NOTCH2: variants seen among roughly 807,000 people sequenced by gnomAD.
NOTCH2 encodes the protein neurogenic locus notch homolog protein 2.
NOTCH2 carries 29 observed loss-of-function variants against 235.8 expected under a neutral mutation model. The observed-to-expected ratio is 0.12, with a 90% CI of 0.09 to 0.17. The LOEUF (loss-of-function observed/expected upper bound fraction) is 0.17, where lower values mean the gene tolerates loss of function less well. Among genes scored for constraint, NOTCH2 ranks in the 10% least tolerant of loss-of-function variants. The pLI is 1.00. For missense variants in NOTCH2, 2,285 were observed against 3,150.2 expected (o/e 0.73, Z 6.57); for synonymous variants, 1,086 against 1,141.5 (o/e 0.95, Z 0.98).
chr1:119,923,848 C>T lies in NOTCH2; in HGVS notation c.4648G>A (p.Val1550Met). 1.9e-6 allele frequency: 3 copies of T among 1,614,200 alleles called. No individual in the cohort carries two copies. The highest frequency in any genetic ancestry group is 4.5e-5 in the East Asian group (2 of 44,884). The change falls in exon 26 of 34, where the codon GTG becomes ATG. Residue 1550 changes from valine to methionine, a missense_variant. Val to Met is a conservative substitution (Grantham distance 21). This residue lies in a region of NOTCH2 where 1,173 missense variants were observed against 1,515.3 expected (regional missense o/e 0.77). Coordinates refer to ENST00000256646, the MANE Select transcript of NOTCH2 (RefSeq NM_024408.4). ...AGTTGTTCAGGTGGCATCAATACCA[C>T]AATAACCAGGGTACCTTCTGCCAGG... ...ENLAEGTLVI[V>M]VLMPPEQLLQ...
At chr1:119,978,273 T>A (rs1553201202) in intron 5 of NOTCH2, among the ~76,000 whole-genome samples, 1 of 152,118 alleles carries the variant, frequency 6.6e-6, no homozygotes, top group East Asian at 1.9e-4. Flanking sequence ...GGTTGAATTA[T>A]AAGAAATGCA....
chr1:119,957,878 AC>A (rs1557821654), intron 12 of NOTCH2, among the ~76,000 whole-genome samples: 17 of 148,744 alleles, frequency 1.1e-4, no homozygotes, highest in African/African-American at 4.0e-4. Flanking sequence ...ACACACACAC[AC>A]ACACAACAGG....
rs782803889 is a variant in NOTCH2 at position 119,948,910 on chromosome 1, A to C, written c.2599+97T>G. The C allele has an allele frequency of 2.7e-6, 4 of 1,486,562 alleles. No homozygotes were observed. The African/African-American group carries it at 4.1e-5, about 15-fold the overall frequency. 92.1% of individuals were successfully genotyped at this position (1,486,562 alleles called of 1,614,324 possible). ...GCTCTTGACAAGATGGACAGGCCTCATAAGACCAGCAGGGCCTTCCATATG... is the reference window on the plus strand; with the variant it reads ...GCTCTTGACAAGATGGACAGGCCTCCTAAGACCAGCAGGGCCTTCCATATG... On this transcript the variant is annotated intron_variant, in intron 16 of 33. Coordinates refer to ENST00000256646, the MANE Select transcript of NOTCH2 (RefSeq NM_024408.4).
chr1:120,064,723 G>A, intron 1 of NOTCH2, among the ~76,000 whole-genome samples: 1 of 135,384 alleles, frequency 7.4e-6, no homozygotes, highest in Admixed American at 7.1e-5. Context: ...GTTTTTGTCA[G>A]TAGGGTGTTC....
At chr1:119,918,669 G>C in intron 31 of NOTCH2, 116 bp from the exon 32 acceptor site, 2 of 1,015,312 alleles carry the variant, frequency 2.0e-6, no homozygotes, top group Non-Finnish European at 3.0e-6. Context: ...CTGGAGGAGA[G>C]GGAAAGTCTT....
Position 119,922,754 on chromosome 1 carries a change from G to T in NOTCH2, c.4884C>A (p.Asp1628Glu). The change falls in exon 27 of 34, where the codon GAC (aspartate) becomes GAA (glutamate). Residue 1628 changes from aspartate (D) to glutamate (E), a missense_variant. Around this residue, in one of 6 missense-constraint regions of NOTCH2, gnomAD observed 1,173 missense variants for 1,515.3 expected, o/e 0.77. Transcript: ENST00000256646. ...VAGSKVFLEIDNRQCVQDSDH... is the reference protein window; with the variant it reads ...VAGSKVFLEIENRQCVQDSDH... ...CTGAGTCTTGAACACACTGGCGGTT[G>T]TCAATTTCCAGAAAGACTTTAGAGC... The T allele has an allele frequency of 6.2e-7, 1 of 1,614,196 alleles. No individual in the cohort carries two copies. Among genetic ancestry groups the T allele is most frequent in the South Asian group, 1.1e-5 (1 of 91,084 alleles).
chr1:119,942,537 C>T (rs1167263248), intron 17 of NOTCH2, among the ~76,000 whole-genome samples: 5 of 152,136 alleles, frequency 3.3e-5, no homozygotes, highest in Non-Finnish European at 2.9e-5. Flanking sequence ...TGAACTAATT[C>T]CCTTATAAGA....
intron 23 of NOTCH2, among the ~76,000 whole-genome samples, chr1:119,927,530 T>C (rs1649515513): frequency 6.6e-6 from 1 of 152,170 alleles, no homozygotes; most frequent in African/African-American, 2.4e-5. Flanking sequence ...AAGGGATTTT[T>C]TTTTTTTCAT....
rs1553195854 is a variant in NOTCH2, at chr1:119,937,340, G to A, written c.3464C>T (p.Ser1155Phe). 6.2e-7 allele frequency: 1 copy of A among 1,614,080 alleles called. No individual in the cohort carries two copies. The change falls in exon 21 of 34, where the codon TCC becomes TTC. Residue 1155 changes from serine (S) to phenylalanine (F), a missense_variant. By Grantham distance (155) the Ser-to-Phe change is radical. This residue lies in a region of NOTCH2 where 1,173 missense variants were observed against 1,515.3 expected (regional missense o/e 0.77). Transcript: ENST00000256646. Reference protein sequence around the residue: ...YCEEQLDECASNPCQHGATCS... With the variant: ...YCEEQLDECAFNPCQHGATCS... ...TGTTGCCCCGTGCTGGCAGGGGTTG[G>A]ACGCACACTCATCGAGTTGCTCCTC...
chr1:119,971,624 A>G (rs1199773804), intron 5 of NOTCH2, among the ~76,000 whole-genome samples: 1 of 152,118 alleles, frequency 6.6e-6, no homozygotes, highest in Non-Finnish European at 1.5e-5. Context: ...GTTAGAGACC[A>G]GCCTGCAGGC....
intron 12 of NOTCH2, among the ~76,000 whole-genome samples, chr1:119,956,806 A>AT (rs1192401737): frequency 6.6e-6 from 1 of 152,162 alleles, no homozygotes; most frequent in East Asian, 1.9e-4. Context: ...TGCAGAATAA[A>AT]TTTTCAAGCC....
chr1:120,065,259 A>G (rs1225920573), intron 1 of NOTCH2, among the ~76,000 whole-genome samples: 1 of 152,248 alleles, frequency 6.6e-6, no homozygotes, highest in Non-Finnish European at 1.5e-5. Flanking sequence ...GGAGTACCAC[A>G]GTTGTCCAAA....
chr1:119,959,563 G>A (rs1650858395), intron 11 of NOTCH2, 61 bp from the exon 12 acceptor site: 1 of 908,258 alleles, frequency 1.1e-6, no homozygotes, highest in African/African-American at 1.6e-5. Flanking sequence ...AAGGCTTTCT[G>A]CTTGTGATGC....
Position 119,941,609 on chromosome 1 carries a change from G to A in NOTCH2, c.2898C>T (p.Asp966=), listed in dbSNP as rs1570677582. The A allele has an allele frequency of 6.2e-7, 1 of 1,614,142 alleles. No individual in the cohort carries two copies. The highest frequency in any genetic ancestry group is 2.2e-5 in the East Asian group (1 of 44,882). Residue 966 remains aspartate (D), a synonymous_variant, in exon 18 of 34, where the codon GAC becomes GAT. Transcript: ENST00000256646. ...EPCKNGGTCS[D]YVNSYTCKCQ... ...ACTTGCAAGTGTAACTGTTGACGTA[G>A]TCAGAGCAGGTCCCTCCATTCTTAC...
Position 119,987,000 on chromosome 1 carries a change from C to T in NOTCH2, c.834G>A (p.Gly278=), listed in dbSNP as rs782380329. ...GACAGCGGCAGTTGTAAGTGTTGAC[C>T]CCATCCACACAAACCCCTCCATTCT... ...RCQNGGVCVD[G]VNTYNCRCPP... The change falls in exon 5 of 34, where the codon GGG becomes GGA. Residue 278 remains glycine, a synonymous_variant. Coordinates refer to ENST00000256646, the MANE Select transcript of NOTCH2 (RefSeq NM_024408.4). The T allele has an allele frequency of 6.2e-7, 1 of 1,613,586 alleles. No individual in the cohort carries two copies. The highest frequency in any genetic ancestry group is 1.3e-5 in the African/African-American group (1 of 74,870).
chr1:119,923,934 C>A lies in NOTCH2; in HGVS notation c.4562G>T (p.Gly1521Val), dbSNP rs1262243342. 1 of 1,614,136 alleles carries A rather than the reference C, an allele frequency of 6.2e-7. No homozygotes were observed. The highest frequency in any genetic ancestry group is 1.1e-5 in the South Asian group (1 of 91,084). Residue 1521 changes from glycine to valine, a missense_variant, in exon 26 of 34, where the codon GGG becomes GTG. This residue lies in a region of NOTCH2 where 1,173 missense variants were observed against 1,515.3 expected (regional missense o/e 0.77). Transcript: ENST00000256646. ...CCAACCACACTCCTCACTGTTGCAC[C>A]CCTGGTCACAGTGGTTGTCTTTGAA... ...DHFKDNHCDQ[G>V]CNSEECGWDG...
chr1:119,979,121 C>A (rs587670614), intron 5 of NOTCH2, among the ~76,000 whole-genome samples: 1 of 152,192 alleles, frequency 6.6e-6, no homozygotes, highest in Admixed American at 6.5e-5. Flanking sequence ...GGCTGAGAGG[C>A]AGGCAGAAGA....
At chr1:119,995,870 T>C (rs1372810846) in intron 4 of NOTCH2, 11 of 152,244 alleles carry the variant, frequency 7.2e-5, no homozygotes, top group African/African-American at 1.4e-4. Flanking sequence ...GTTGATTTTA[T>C]ACTGAGGACC....
intron 4 of NOTCH2, chr1:119,995,715 T>C: frequency 6.6e-6 from 1 of 152,238 alleles, no homozygotes; most frequent in Non-Finnish European, 1.5e-5. Context: ...TTAAATAGCT[T>C]GTTCTTGTGA....
Sources: gnomAD v4.1 joint callset for allele counts (sites outside exome capture counted in the v4.1 genomes callset) on GRCh38, gnomAD v4.1.1 for gene constraint, gnomAD v4.1.1 regional missense constraint, MANE v1.5 for transcripts, NCBI Gene and HGNC (gene_info 2026-07-23, HGNC 2026-07-21) for gene names.